Variants in EYA2 observed in about 807,000 individuals in gnomAD.
The protein encoded by EYA2 is EYA transcriptional coactivator and phosphatase 2.
A neutral mutation model predicts 69.2 loss-of-function variants in EYA2; 31 were observed. The ratio of observed to expected loss-of-function variants is 0.45; its 90% CI spans 0.34 to 0.60. The LOEUF is 0.60. Among genes scored for constraint, EYA2 ranks in the 20% least tolerant of loss-of-function variants. The pLI, the probability that EYA2 is intolerant of heterozygous loss-of-function variation, is 0.02. For synonymous variants in EYA2, 257 were observed against 279.4 expected (o/e 0.92, Z 0.80); for missense variants, 622 against 701.2 (o/e 0.89, Z 1.28).
chr20:47,181,900 A>G (rs1457236865), intron 14 of EYA2, among the ~76,000 whole-genome samples: 1 of 151,940 alleles, frequency 6.6e-6, no homozygotes, highest in East Asian at 1.9e-4. Context: ...CATTTTTCCC[A>G]TTTTTCCTGC....
chr20:47,147,247 C>T (rs1298063411), intron 10 of EYA2, among the ~76,000 whole-genome samples: 2 of 151,950 alleles, frequency 1.3e-5, no homozygotes, highest in African/African-American at 4.8e-5. Context: ...CAGGGCTTCA[C>T]CTTGTTGGGC....
At chr20:46,928,731 G>T (rs1985524687) in intron 1 of EYA2, among the ~76,000 whole-genome samples, 1 of 152,266 alleles carries the variant, frequency 6.6e-6, no homozygotes. Flanking sequence ...GATTGTCGAT[G>T]TAACATTTGC....
rs547789045 is a variant in EYA2 at position 47,183,347 on chromosome 20, G to A, written c.1492G>A (p.Val498Met). 6.2e-7 allele frequency: 1 copy of A among 1,614,114 alleles called. No homozygotes were observed. Among genetic ancestry groups the A allele is most frequent in the South Asian group, 1.1e-5 (1 of 91,074 alleles). ...GAGATTCGGCAGAAAAGCTGTCTAC[G>A]TGGTGATCGGTGATGGTGTGGAAGA... ...MQRFGRKAVYVVIGDGVEEEQ... is the reference protein window; with the variant it reads ...MQRFGRKAVYMVIGDGVEEEQ... Residue 498 changes from valine (V) to methionine (M), a missense_variant, in exon 15 of 16, where the codon GTG becomes ATG. Coordinates refer to ENST00000327619, the MANE Select transcript of EYA2 (RefSeq NM_005244.5).
At position 47,116,858 on chromosome 20, in the gene EYA2, G is replaced by A. The variant is rs563479276; in HGVS notation, c.888+19690G>A. Among the ~76,000 whole-genome samples, 14 of 152,344 alleles carry A rather than the reference G, an allele frequency of 9.2e-5. 1 individual carries two copies. In the South Asian group the frequency reaches 2.1e-3, roughly 23 times the overall value. On this transcript the variant is annotated intron_variant, in intron 9 of 15. Transcript: ENST00000327619. Reference sequence around the variant, plus strand: ...GGGACTCCATGATTGCTGCTGCAGGGATGGAAACTCCTCTTAGTAGAGCCC... The same window carrying A: ...GGGACTCCATGATTGCTGCTGCAGGAATGGAAACTCCTCTTAGTAGAGCCC...
chr20:47,106,512 C>A lies in EYA2; in HGVS notation c.888+9344C>A, dbSNP rs571231038. Among the ~76,000 whole-genome samples the A allele has an allele frequency of 1.4e-3, 218 of 152,220 alleles. 1 individual carries two copies. Among genetic ancestry groups the A allele is most frequent in the African/African-American group, 4.6e-3 (191 of 41,518 alleles). ...TTATATCAGACTTCCAGGGAGCTCA[C>A]AAAGCACCCAGGGATTGGGTGAGAG... On this transcript the variant is annotated intron_variant, in intron 9 of 15. Coordinates refer to ENST00000327619, the MANE Select transcript of EYA2 (RefSeq NM_005244.5).
At chr20:47,089,961 A>T (rs2032023309) in intron 8 of EYA2, among the ~76,000 whole-genome samples, 1 of 152,142 alleles carries the variant, frequency 6.6e-6, no homozygotes, top group South Asian at 2.1e-4. Flanking sequence ...TAAGGCTTAG[A>T]TATTGATCTG....
intron 14 of EYA2, 60 bp from the exon 15 acceptor site, chr20:47,183,231 A>G (rs2034571564): frequency 2.0e-6 from 3 of 1,508,466 alleles, no homozygotes; most frequent in Non-Finnish European, 1.8e-6. Context: ...ATGAGCGGGT[A>G]TTGGCTGCAA....
intron 5 of EYA2, among the ~76,000 whole-genome samples, chr20:47,037,034 A>G (rs888851354): frequency 2.6e-5 from 4 of 152,214 alleles, no homozygotes; most frequent in African/African-American, 9.6e-5. Flanking sequence ...GCTTCAGGAA[A>G]CTTACAATGA....
intron 1 of EYA2, among the ~76,000 whole-genome samples, chr20:46,941,509 A>G (rs1241131136): frequency 1.3e-5 from 2 of 152,202 alleles, no homozygotes; most frequent in African/African-American, 2.4e-5. Context: ...ATGCATTTCT[A>G]TGTGTAAAGT....
At chr20:47,097,004 A>G in intron 8 of EYA2, 81 bp from the exon 9 acceptor site, 1 of 1,014,992 alleles carries the variant, frequency 9.9e-7, no homozygotes, top group Non-Finnish European at 1.5e-6. Flanking sequence ...CTTTTCCTCC[A>G]AGGGAATGAA....
At chr20:47,086,608 G>A (rs762063390) in intron 7 of EYA2, among the ~76,000 whole-genome samples, 6 of 152,206 alleles carry the variant, frequency 3.9e-5, no homozygotes, top group East Asian at 1.9e-4. Context: ...CGGTACCCGG[G>A]GAGGGGAGAT....
intron 1 of EYA2, among the ~76,000 whole-genome samples, chr20:46,946,081 G>A (rs1978436398): frequency 1.3e-5 from 2 of 152,146 alleles, no homozygotes; most frequent in Non-Finnish European, 2.9e-5. Flanking sequence ...TCCCAGTGGG[G>A]GTTAGAGTCT....
At chr20:47,132,577 C>G (rs2146580074) in intron 9 of EYA2, among the ~76,000 whole-genome samples, 1 of 152,314 alleles carries the variant, frequency 6.6e-6, no homozygotes, top group Non-Finnish European at 1.5e-5. Context: ...TGAACATCTC[C>G]TTCAAGGTGA....
At chr20:47,003,615 A>G (rs1041049772) in intron 3 of EYA2, among the ~76,000 whole-genome samples, 4 of 152,220 alleles carry the variant, frequency 2.6e-5, no homozygotes, top group Non-Finnish European at 4.4e-5. Context: ...TTTAACAACA[A>G]TTTCAAATTA....
At position 47,172,710 on chromosome 20, in the gene EYA2, A is replaced by G; in HGVS notation, c.1041A>G (p.Thr347=). The change falls in exon 12 of 16, where the codon ACA becomes ACG. Residue 347 remains threonine, a synonymous_variant. Coordinates refer to ENST00000327619, the MANE Select transcript of EYA2 (RefSeq NM_005244.5). ...SSDDNGQDLS[T]YNFSADGFHS... ...CCCTCCCCTCCTCTCTCCGCAGCAC[A>G]TACAACTTCTCCGCTGACGGCTTCC... 7 of 1,611,520 alleles carry G rather than the reference A, an allele frequency of 4.3e-6. No individual in the cohort carries two copies. Among genetic ancestry groups the G allele is most frequent in the Non-Finnish European group, 5.9e-6 (7 of 1,178,906 alleles).
At chr20:46,970,234 T>C (rs773187872) in intron 1 of EYA2, among the ~76,000 whole-genome samples, 3 of 152,234 alleles carry the variant, frequency 2.0e-5, no homozygotes, top group Non-Finnish European at 4.4e-5. Context: ...CATCTTTTTC[T>C]CAAATAGCCA....
At chr20:46,939,428 A>T (rs774817031) in intron 1 of EYA2, among the ~76,000 whole-genome samples, 19 of 152,070 alleles carry the variant, frequency 1.2e-4, no homozygotes, top group Non-Finnish European at 2.5e-4. Context: ...AGAGATAATG[A>T]CTTTATTTTT....
chr20:46,935,581 T>C (rs561993613), intron 1 of EYA2, among the ~76,000 whole-genome samples: 1 of 152,280 alleles, frequency 6.6e-6, no homozygotes, highest in Non-Finnish European at 1.5e-5. Context: ...GGTAATCCAC[T>C]TAGTGGCCAT....
intron 3 of EYA2, 38 bp from the exon 4 acceptor site, chr20:47,004,904 C>A: frequency 6.2e-7 from 1 of 1,614,078 alleles, no homozygotes. Flanking sequence ...GGGTGCCAGA[C>A]TGGGCCTGGA....
Sources: allele counts gnomAD v4.1 joint callset (sites outside exome capture counted in the v4.1 genomes callset), GRCh38; gene constraint gnomAD v4.1.1; transcripts MANE v1.5; gene names NCBI Gene and HGNC (gene_info 2026-07-23, HGNC 2026-07-21).